The following SCN8A variants were observed in gnomAD, a reference collection of about 807,000 sequenced individuals.
SCN8A encodes the protein sodium voltage-gated channel alpha subunit 8, also known as sodium channel protein type 8 subunit alpha.
In SCN8A, 30 loss-of-function variants were observed where a neutral mutation model predicts 184.1. That is an observed-to-expected ratio of 0.16 (90% CI 0.12 to 0.22). The LOEUF is 0.22. SCN8A is among the 10% of genes least tolerant of loss of function. The pLI, the probability that SCN8A is intolerant of heterozygous loss-of-function variation, is 1.00. For missense variants in SCN8A, 1,057 were observed against 2,498.9 expected (o/e 0.42, Z 12.30); for synonymous variants, 852 against 907.0 (o/e 0.94, Z 1.09).
intron 26 of SCN8A, among the ~76,000 whole-genome samples, chr12:51,805,731 CAAA>C (rs1488925304): frequency 6.6e-6 from 1 of 151,876 alleles, no homozygotes; most frequent in Non-Finnish European, 1.5e-5. Context: ...CATCTCAAAA[CAAA>C]AAACAACAAC....
At chr12:51,657,442 C>T (rs767881730) in intron 1 of SCN8A, among the ~76,000 whole-genome samples, 1 of 151,904 alleles carries the variant, frequency 6.6e-6, no homozygotes, top group Non-Finnish European at 1.5e-5. Context: ...TTGAGAGATG[C>T]CTATTCAGTT....
At chr12:51,644,587 A>C (rs1343406074) in intron 1 of SCN8A, among the ~76,000 whole-genome samples, 1 of 152,042 alleles carries the variant, frequency 6.6e-6, no homozygotes, top group Non-Finnish European at 1.5e-5. Flanking sequence ...GCTCGCTACA[A>C]CCTCCACCTC....
intron 11 of SCN8A, among the ~76,000 whole-genome samples, chr12:51,719,960 C>T (rs982143455): frequency 6.6e-6 from 1 of 151,066 alleles, no homozygotes; most frequent in Non-Finnish European, 1.5e-5. Flanking sequence ...CCTGTAGTCC[C>T]AGCTACTCGG....
At chr12:51,744,482 G>T (rs1366257082) in intron 12 of SCN8A, among the ~76,000 whole-genome samples, 1 of 151,846 alleles carries the variant, frequency 6.6e-6, no homozygotes, top group African/African-American at 2.4e-5. Flanking sequence ...TAGTAATGCA[G>T]CAAGGAATTC....
intron 2 of SCN8A, among the ~76,000 whole-genome samples, chr12:51,668,744 C>T (rs1941080297): frequency 6.6e-6 from 1 of 152,134 alleles, no homozygotes; most frequent in South Asian, 2.1e-4. Flanking sequence ...TTCAACTGGA[C>T]ATGTGATCTT....
chr12:51,788,825 A>G (rs1413504901), intron 23 of SCN8A, 77 bp downstream of exon 23: 4 of 1,189,322 alleles, frequency 3.4e-6, no homozygotes, highest in Non-Finnish European at 4.8e-6. Flanking sequence ...GAGCCCACCA[A>G]GAAAGAGGAA....
rs139221148 is a variant in SCN8A at position 51,715,601 on chromosome 12, C to T, written c.1636-5945C>T. Among the ~76,000 whole-genome samples, 380 of 129,280 alleles carry T rather than the reference C, an allele frequency of 2.9e-3. 3 individuals are homozygous for T. The highest frequency in any genetic ancestry group is 0.011 in the African/African-American group (357 of 33,340). The allele number at this position is 129,280 out of a possible 152,430, so 84.8% of individuals were successfully genotyped here. ...TGAACCTGGGAGGCGGAAGTTTCAG[C>T]AAGCCAAGATTGCACCACTGCACTT... On this transcript the variant is annotated intron_variant, in intron 11 of 26. Transcript: ENST00000627620.
At chr12:51,788,628 G>A in intron 22 of SCN8A, 67 bp from the exon 23 acceptor site, 3 of 1,301,206 alleles carry the variant, frequency 2.3e-6, no homozygotes, top group Non-Finnish European at 3.2e-6. Context: ...TGGCCTTTGG[G>A]ACCCCTGCCT....
At chr12:51,670,619 A>G (rs538867565) in intron 2 of SCN8A, among the ~76,000 whole-genome samples, 1 of 152,282 alleles carries the variant, frequency 6.6e-6, no homozygotes, top group African/African-American at 2.4e-5. Context: ...GAGTAAGGAT[A>G]CGTGATGATA....
intron 1 of SCN8A, among the ~76,000 whole-genome samples, chr12:51,601,339 C>T (rs192298895): frequency 7.3e-4 from 111 of 151,968 alleles, no homozygotes; most frequent in African/African-American, 2.7e-3. Context: ...TTGTGTAAAA[C>T]CCAAGAAGGG....
At chr12:51,597,366 G>A (rs557293353) in intron 1 of SCN8A, among the ~76,000 whole-genome samples, 1 of 152,268 alleles carries the variant, frequency 6.6e-6, no homozygotes, top group Non-Finnish European at 1.5e-5. Flanking sequence ...ATATTCAGCT[G>A]ATTAGTGTAG....
intron 12 of SCN8A, among the ~76,000 whole-genome samples, chr12:51,727,344 T>C (rs375213511): frequency 6.6e-6 from 1 of 152,012 alleles, no homozygotes. Flanking sequence ...CTTTAAAATG[T>C]TAATTCTCCT....
chr12:51,721,518 C>G (rs1419947492), intron 11 of SCN8A, 28 bp from the exon 12 acceptor site: 1 of 1,567,308 alleles, frequency 6.4e-7, no homozygotes, highest in Admixed American at 1.8e-5. Flanking sequence ...TTCCCCGTCC[C>G]TCTCTCTTTC....
chr12:51,807,582 G>GCAT lies in SCN8A; in HGVS notation c.*155_*157dup. ...CGTCTGCTTACCACGTAACACAGCT[G>GCAT]CATCTTGAGCAGTGACCTGCCAAGG... is the stretch of plus-strand genomic sequence containing the variant. On this transcript the variant is annotated 3_prime_UTR_variant, in exon 27 of 27. Transcript: ENST00000627620. The surrounding 1 kb of genome is among the most constrained non-coding windows in gnomAD (Gnocchi z 4.5). 7 of 809,866 alleles carry GCAT rather than the reference G, an allele frequency of 8.6e-6. No homozygotes were observed. Among genetic ancestry groups the GCAT allele is most frequent in the Non-Finnish European group, 1.4e-5 (7 of 508,528 alleles). The allele number at this position is 809,866 out of a possible 1,614,324, so 50.2% of individuals were successfully genotyped here.
At chr12:51,637,653 GA>G (rs1940348707) in intron 1 of SCN8A, among the ~76,000 whole-genome samples, 1 of 152,152 alleles carries the variant, frequency 6.6e-6, no homozygotes, top group Admixed American at 6.5e-5. Context: ...AGCTGCAGGA[GA>G]AAAATTGGAA....
intron 1 of SCN8A, among the ~76,000 whole-genome samples, chr12:51,604,455 G>C (rs1368182078): frequency 6.6e-6 from 1 of 151,758 alleles, no homozygotes; most frequent in East Asian, 1.9e-4. Flanking sequence ...AATACCACAC[G>C]GTCTCTTTTT....
rs996870199 is a variant in SCN8A, at chr12:51,806,386, G to A, written c.4900G>A (p.Ala1634Thr). Residue 1634 changes from alanine (A) to threonine (T), a missense_variant, in exon 27 of 27, where the codon GCC (alanine) becomes ACC (threonine). Physicochemically the swap from Ala to Thr is moderately conservative, Grantham distance 58. Around this residue, in one of 19 missense-constraint regions of SCN8A, gnomAD observed 7 missense variants for 92.0 expected, o/e 0.08. Transcript: ENST00000627620. The surrounding 1 kb of genome is among the most constrained non-coding windows in gnomAD (Gnocchi z 8.7). ...IGRILRLIKG[A>T]KGIRTLLFAL... ...GCGCATCTTGCGTCTGATCAAAGGCGCCAAAGGGATTCGTACCCTGCTCTT... is the reference window on the plus strand; with the variant it reads ...GCGCATCTTGCGTCTGATCAAAGGCACCAAAGGGATTCGTACCCTGCTCTT... 1.9e-6 allele frequency: 3 copies of A among 1,607,692 alleles called. No homozygotes were observed. Among genetic ancestry groups the A allele is most frequent in the Non-Finnish European group, 2.6e-6 (3 of 1,175,490 alleles).
At chr12:51,750,529 C>T (rs1592142372) in intron 13 of SCN8A, among the ~76,000 whole-genome samples, 1 of 152,098 alleles carries the variant, frequency 6.6e-6, no homozygotes, top group Non-Finnish European at 1.5e-5. Context: ...TCTAACTCAA[C>T]CATGAGCTGT....
chr12:51,725,015 A>G (rs1036066898), intron 12 of SCN8A, among the ~76,000 whole-genome samples: 4 of 152,122 alleles, frequency 2.6e-5, no homozygotes, highest in African/African-American at 9.7e-5. Context: ...CCAGCACCCT[A>G]TAAACACTTA....
Sources: gnomAD v4.1 joint callset for allele counts (sites outside exome capture counted in the v4.1 genomes callset) on GRCh38, gnomAD v4.1.1 for gene constraint, gnomAD v4.1.1 regional missense constraint, Gnocchi (gnomAD v3.1) non-coding constraint, MANE v1.5 for transcripts, NCBI Gene and HGNC (gene_info 2026-07-23, HGNC 2026-07-21) for gene names.